Variants in EIF3L observed in about 807,000 individuals in gnomAD.
EIF3L encodes eIEF associated protein HSPC021.
Under a neutral mutation model 74.6 loss-of-function variants are expected in EIF3L, and 32 were observed. The ratio of observed to expected loss-of-function variants is 0.43; its 90% CI spans 0.32 to 0.58. EIF3L has a LOEUF of 0.58. Among genes scored for constraint, EIF3L ranks in the 20% least tolerant of loss-of-function variants. The probability of loss-of-function intolerance (pLI) is 0.06; values close to 1 mark genes in which losing one functional copy is unlikely to be tolerated. For synonymous variants in EIF3L, 256 were observed against 254.4 expected (o/e 1.01, Z -0.06); for missense variants, 474 against 707.8 (o/e 0.67, Z 3.75).
intron 7 of EIF3L, among the ~76,000 whole-genome samples, chr22:37,868,110 ATTTT>A (rs545183532): frequency 1.3e-4 from 12 of 92,660 alleles, no homozygotes; most frequent in Admixed American, 2.5e-4. Context: ...TCTTTGTAGG[ATTTT>A]TTTTTTTTTT....
chr22:37,876,901 G>A (rs1369930765), intron 10 of EIF3L: 1 of 152,178 alleles, frequency 6.6e-6, no homozygotes, highest in East Asian at 1.9e-4. Flanking sequence ...GTGTGGTGAT[G>A]CAGCCGCACA....
intron 12 of EIF3L, 146 bp downstream of exon 12, chr22:37,886,991 T>A (rs748265267): frequency 1.4e-5 from 8 of 561,866 alleles, no homozygotes. Context: ...TGCAGCGACG[T>A]GATCTTAGCT....
At chr22:37,876,113 T>A in intron 10 of EIF3L, 102 bp downstream of exon 10, 1 of 1,308,206 alleles carries the variant, frequency 7.6e-7, no homozygotes, top group Non-Finnish European at 1.1e-6. Context: ...ATATTGCACT[T>A]TTAAGCCAGG....
intron 8 of EIF3L, among the ~76,000 whole-genome samples, chr22:37,872,268 G>A (rs185795020): frequency 1.3e-5 from 2 of 152,104 alleles, no homozygotes; most frequent in Non-Finnish European, 2.9e-5. Context: ...AGGATTACAG[G>A]CACACGCCAC....
rs201164529 is a variant in EIF3L, at chr22:37,849,449, C to T, written c.-1C>T. 2.9e-5 allele frequency: 47 copies of T among 1,613,538 alleles called. No individual in the cohort carries two copies. In the South Asian group the frequency reaches 3.3e-4, roughly 11 times the overall value. On this transcript the variant is annotated 5_prime_UTR_variant, in exon 1 of 13. Transcript: ENST00000652021. ...CGGCGGTGCTCGCAAGCGAGGCAGC[C>T]ATGTCTTATCCCGCTGATGATTATG...
At chr22:37,865,203 C>G (rs1926084237) in intron 7 of EIF3L, among the ~76,000 whole-genome samples, 1 of 152,048 alleles carries the variant, frequency 6.6e-6, no homozygotes, top group Non-Finnish European at 1.5e-5. Flanking sequence ...TGGTGGCTCA[C>G]GCCTGTAATC....
chr22:37,870,069 C>G (rs945845227), intron 7 of EIF3L, 107 bp from the exon 8 acceptor site: 3 of 971,108 alleles, frequency 3.1e-6, no homozygotes, highest in Non-Finnish European at 4.5e-6. Context: ...CTCACCCTCA[C>G]CTTGCCCCAT....
Position 37,888,609 on chromosome 22 carries a change from A to C in EIF3L, c.*145A>C. The C allele has an allele frequency of 1.3e-6, 1 of 799,024 alleles. No individual in the cohort carries two copies. The highest frequency in any genetic ancestry group is 2.1e-6 in the Non-Finnish European group (1 of 486,514). 49.5% of individuals were successfully genotyped at this position (799,024 alleles called of 1,614,324 possible). A position where few individuals can be genotyped will look rare whatever the true frequency, so the allele number is the denominator to read the frequency against. On this transcript the variant is annotated 3_prime_UTR_variant, in exon 13 of 13. Transcript: ENST00000652021. ...GACCGAAGTGTTTCAAGTGGATCTC[A>C]GTAAAGGATCTTTGGAGCCAGATTT...
At chr22:37,877,553 C>T in intron 10 of EIF3L, 121 bp from the exon 11 acceptor site, 1 of 1,222,758 alleles carries the variant, frequency 8.2e-7, no homozygotes, top group African/African-American at 1.5e-5. Context: ...AGTTCAATGG[C>T]TGGTATGAAA....
chr22:37,856,687 A>G (rs1383799018), intron 4 of EIF3L, among the ~76,000 whole-genome samples: 2 of 152,034 alleles, frequency 1.3e-5, no homozygotes, highest in African/African-American at 2.4e-5. Flanking sequence ...TCTACTAAAA[A>G]TACAAAATCA....
chr22:37,860,145 G>T (rs1288144906), intron 5 of EIF3L, among the ~76,000 whole-genome samples: 2 of 152,188 alleles, frequency 1.3e-5, no homozygotes, highest in Non-Finnish European at 2.9e-5. Context: ...GGCTGTCTGA[G>T]TCATCTGAAG....
intron 9 of EIF3L, among the ~76,000 whole-genome samples, chr22:37,874,895 A>ATTTTTTTTTTTTTTT (rs35994639): frequency 8.8e-6 from 1 of 113,490 alleles, no homozygotes; most frequent in Admixed American, 9.8e-5. Context: ...TGCCCAGCTA[A>ATTTTTTTTTTTTTTT]TTTTTTTTTT....
At chr22:37,866,130 G>A (rs964566554) in intron 7 of EIF3L, among the ~76,000 whole-genome samples, 10 of 152,184 alleles carry the variant, frequency 6.6e-5, no homozygotes, top group Non-Finnish European at 7.3e-5. Flanking sequence ...GGAAGGAAAG[G>A]CACCTTGTTG....
At chr22:37,873,723 C>CA (rs1163672670) in intron 8 of EIF3L, among the ~76,000 whole-genome samples, 1 of 151,958 alleles carries the variant, frequency 6.6e-6, no homozygotes, top group African/African-American at 2.4e-5. Context: ...ATCTCAGTCT[C>CA]AAAAAACAAA....
chr22:37,865,008 G>C (rs1601765300), intron 7 of EIF3L, among the ~76,000 whole-genome samples: 2 of 152,308 alleles, frequency 1.3e-5, no homozygotes, highest in African/African-American at 4.8e-5. Context: ...CACGTTGCCT[G>C]TTGATTGTGA....
At chr22:37,879,467 C>G (rs1926931510) in intron 11 of EIF3L, 1 of 151,780 alleles carries the variant, frequency 6.6e-6, no homozygotes, top group Non-Finnish European at 1.5e-5. Flanking sequence ...TGCACTGTAG[C>G]CTGGCAACAG....
Position 37,886,902 on chromosome 22 carries a change from A to T in EIF3L, c.1656+57A>T, listed in dbSNP as rs759321462. ...GCTCAGGACAGAGCTTAGGAACTGA[A>T]TCGAGAGTTTACTTTTTTTTAATTT... On this transcript the variant is annotated intron_variant, in intron 12 of 12. Coordinates refer to ENST00000652021, the MANE Select transcript of EIF3L (RefSeq NM_016091.4). 7.2e-6 allele frequency: 10 copies of T among 1,383,102 alleles called. No homozygotes were observed. In the South Asian group the frequency reaches 1.2e-4, roughly 16 times the overall value. 85.7% of individuals were successfully genotyped at this position (1,383,102 alleles called of 1,614,324 possible).
chr22:37,859,174 T>C (rs1327765567), intron 5 of EIF3L, among the ~76,000 whole-genome samples: 3 of 151,632 alleles, frequency 2.0e-5, no homozygotes, highest in African/African-American at 7.3e-5. Flanking sequence ...CATATCTAAT[T>C]CTACTATCAA....
chr22:37,871,055 G>A (rs1926443004), intron 8 of EIF3L: 1 of 151,968 alleles, frequency 6.6e-6, no homozygotes, highest in Non-Finnish European at 1.5e-5. Context: ...TTGAGCCCAG[G>A]AAGCAAAGAT....
Sources: gnomAD v4.1 joint callset for allele counts (sites outside exome capture counted in the v4.1 genomes callset) on GRCh38, gnomAD v4.1.1 for gene constraint, MANE v1.5 for transcripts, NCBI Gene and HGNC (gene_info 2026-07-23, HGNC 2026-07-21) for gene names.